The following GNG4 variants were observed in gnomAD, a reference collection of about 807,000 sequenced individuals.
GNG4 encodes guanine nucleotide-binding protein G(I)/G(S)/G(O) subunit gamma-4.
Under a neutral mutation model 5.8 loss-of-function variants are expected in GNG4, and 4 were observed. The ratio of observed to expected loss-of-function variants is 0.69; its 90% CI spans 0.34 to 1.57. The LOEUF is 1.57. Ranked by LOEUF, GNG4 falls within the 40% of genes most tolerant of loss-of-function variation. GNG4 has a pLI of 0.06. For synonymous variants in GNG4, 29 were observed against 32.9 expected (o/e 0.88, Z 0.41); for missense variants, 96 against 95.1 (o/e 1.01, Z -0.04).
Position 235,626,958 on chromosome 1 carries a change from C to CAAAAAAAA in GNG4, c.-123+22696_-123+22703dup, listed in dbSNP as rs776506587. ...TGGGTGACAGAGTGAGACTCTATCT[C>CAAAAAAAA]AAAAAAAAAAAAAAAAAAAAAAAAA... On this transcript the variant is annotated intron_variant, in intron 1 of 3. Coordinates refer to ENST00000391854, the MANE Select transcript of GNG4 (RefSeq NM_001098722.2). 9.2e-4 allele frequency among the ~76,000 whole-genome samples: 71 copies of CAAAAAAAA among 77,384 alleles called. 3 individuals are homozygous for CAAAAAAAA. Among genetic ancestry groups the CAAAAAAAA allele is most frequent in the Middle Eastern group, 6.6e-3 (1 of 152 alleles). The allele number at this position is 77,384 out of a possible 152,430, so 50.8% of individuals were successfully genotyped here.
intron 1 of GNG4, among the ~76,000 whole-genome samples, chr1:235,622,709 C>T (rs1219901914): frequency 1.3e-5 from 2 of 151,774 alleles, no homozygotes; most frequent in African/African-American, 2.4e-5. Context: ...GGTGAAACCC[C>T]GTCTCTACTA....
At chr1:235,568,172 C>T (rs1372786047) in intron 3 of GNG4, among the ~76,000 whole-genome samples, 2 of 127,116 alleles carry the variant, frequency 1.6e-5, no homozygotes, top group Non-Finnish European at 1.7e-5. Context: ...TTTTTTTAAA[C>T]CTATGACTGC....
intron 1 of GNG4, among the ~76,000 whole-genome samples, chr1:235,638,679 C>T (rs909063868): frequency 7.9e-5 from 12 of 151,994 alleles, no homozygotes; most frequent in South Asian, 4.2e-4. Context: ...CAACAGGGCT[C>T]GGTGTGTGAT....
chr1:235,631,583 T>A (rs1688934056), intron 1 of GNG4, among the ~76,000 whole-genome samples: 1 of 151,906 alleles, frequency 6.6e-6, no homozygotes, highest in African/African-American at 2.4e-5. Context: ...TTCTTTTTTT[T>A]TTTTTCAGAC....
At chr1:235,620,523 A>AGTTT (rs113018319) in intron 1 of GNG4, among the ~76,000 whole-genome samples, 254 of 152,064 alleles carry the variant, frequency 1.7e-3, no homozygotes, top group Non-Finnish European at 2.4e-3. Context: ...TTGAATGTGC[A>AGTTT]GTTTGTTTGT....
intron 1 of GNG4, among the ~76,000 whole-genome samples, chr1:235,609,153 A>T (rs949377633): frequency 6.6e-6 from 1 of 152,046 alleles, no homozygotes; most frequent in Non-Finnish European, 1.5e-5. Context: ...ACTTAGTGTA[A>T]TGTTTTCAGG....
At chr1:235,556,255 A>C (rs1686903454) in intron 3 of GNG4, among the ~76,000 whole-genome samples, 1 of 151,980 alleles carries the variant, frequency 6.6e-6, no homozygotes, top group African/African-American at 2.4e-5. Flanking sequence ...AAGGTCACCC[A>C]TCTATTAAGA....
At chr1:235,616,905 ATTTTTT>A (rs553175038) in intron 1 of GNG4, among the ~76,000 whole-genome samples, 2 of 115,796 alleles carry the variant, frequency 1.7e-5, no homozygotes, top group African/African-American at 3.3e-5. Flanking sequence ...CACCTGGCTA[ATTTTTT>A]TTTTTTTTTT....
At chr1:235,556,631 G>A (rs1686915990) in intron 3 of GNG4, among the ~76,000 whole-genome samples, 1 of 150,896 alleles carries the variant, frequency 6.6e-6, no homozygotes, top group Non-Finnish European at 1.5e-5. Context: ...CGTCCCCAAC[G>A]TTTTCGGCAC....
intron 1 of GNG4, among the ~76,000 whole-genome samples, chr1:235,613,202 C>T (rs1688518148): frequency 6.6e-6 from 1 of 152,154 alleles, no homozygotes; most frequent in Non-Finnish European, 1.5e-5. Context: ...TATTTAAATT[C>T]CATTCCTAGC....
chr1:235,563,540 G>A (rs940042490), intron 3 of GNG4, among the ~76,000 whole-genome samples: 10 of 151,730 alleles, frequency 6.6e-5, no homozygotes, highest in Non-Finnish European at 7.4e-5. Flanking sequence ...TGGCTATACT[G>A]GACAATTATC....
rs1465530947 is a variant in GNG4, at chr1:235,644,306, G to A, written c.-123+5356C>T. On this transcript the variant is annotated intron_variant, in intron 1 of 3. Coordinates refer to ENST00000391854, the MANE Select transcript of GNG4 (RefSeq NM_001098722.2). This position sits in a 1 kb window ranked among gnomAD's most constrained non-coding sequence, Gnocchi z 5.9. ...CTGTTCCAGAGAGAATTCAGTGGCC[G>A]GCAACACTGCCAGTTCCCCTTTATT... 2.6e-5 allele frequency among the ~76,000 whole-genome samples: 4 copies of A among 152,176 alleles called. No homozygotes were observed. Among genetic ancestry groups the A allele is most frequent in the Non-Finnish European group, 4.4e-5 (3 of 68,028 alleles).
At chr1:235,571,683 T>C (rs1687348256) in intron 3 of GNG4, among the ~76,000 whole-genome samples, 1 of 152,220 alleles carries the variant, frequency 6.6e-6, no homozygotes, top group Non-Finnish European at 1.5e-5. Flanking sequence ...TTCTGAGAAA[T>C]GCCTTGTTAG....
intron 1 of GNG4, among the ~76,000 whole-genome samples, chr1:235,614,469 G>C (rs925363906): frequency 6.6e-6 from 1 of 151,916 alleles, no homozygotes; most frequent in Non-Finnish European, 1.5e-5. Flanking sequence ...GTTTATTAAA[G>C]CAAAAGCTGA....
At chr1:235,604,722 AC>A (rs1052160065) in intron 1 of GNG4, among the ~76,000 whole-genome samples, 2 of 152,124 alleles carry the variant, frequency 1.3e-5, no homozygotes, top group African/African-American at 2.4e-5. Context: ...ATTTGCAAAG[AC>A]CCACTTTCCA....
rs1446054934 is a variant in GNG4 at position 235,627,384 on chromosome 1, A to G, written c.-123+22278T>C. On this transcript the variant is annotated intron_variant, in intron 1 of 3. Transcript: ENST00000391854. ...ACTACAGGTGTCCGCCACCATGCCC[A>G]GCTAATTTTTGTATTTTTAGTAGAG... Among the ~76,000 whole-genome samples, 3 of 152,032 alleles carry G rather than the reference A, an allele frequency of 2.0e-5. No homozygotes were observed. The East Asian group carries it at 5.8e-4, about 29-fold the overall frequency.
chr1:235,550,807 A>G lies in GNG4; in HGVS notation c.*1302T>C, dbSNP rs1686725890. The G allele has an allele frequency of 6.6e-6, 1 of 151,576 alleles. No homozygotes were observed. The highest frequency in any genetic ancestry group is 2.4e-5 in the African/African-American group (1 of 40,886). The allele number at this position is 151,576 out of a possible 1,614,324, so 9.4% of individuals were successfully genotyped here. A position where few individuals can be genotyped will look rare whatever the true frequency, so the allele number is the denominator to read the frequency against. On this transcript the variant is annotated 3_prime_UTR_variant, in exon 4 of 4. Coordinates refer to ENST00000391854, the MANE Select transcript of GNG4 (RefSeq NM_001098722.2). ...CAGAGCAAGACTCTGTCTCAAAAAG[A>G]TAAATAAATAAAATAAAACAGACAT...
chr1:235,559,427 C>CT lies in GNG4; in HGVS notation c.100-7191dup, dbSNP rs912678864. Among the ~76,000 whole-genome samples the CT allele has an allele frequency of 5.9e-4, 89 of 149,952 alleles. 1 individual carries two copies. Among genetic ancestry groups the CT allele is most frequent in the African/African-American group, 5.6e-4 (23 of 40,888 alleles). On this transcript the variant is annotated intron_variant, in intron 3 of 3. Transcript: ENST00000391854. ...AAGCACTGCAGGGTGAACTCTTGTG[C>CT]TTTTTTTTTTCTCCTAACATTGGGA...
chr1:235,567,484 C>A (rs1416366835), intron 3 of GNG4, among the ~76,000 whole-genome samples: 1 of 152,182 alleles, frequency 6.6e-6, no homozygotes, highest in African/African-American at 2.4e-5. Flanking sequence ...TTCCCCCAGG[C>A]CCTGGAGAAC....
Sources: allele counts gnomAD v4.1 joint callset (sites outside exome capture counted in the v4.1 genomes callset), GRCh38; gene constraint gnomAD v4.1.1; non-coding constraint Gnocchi (gnomAD v3.1); transcripts MANE v1.5; gene names NCBI Gene and HGNC (gene_info 2026-07-23, HGNC 2026-07-21).